Variants in AAGAB observed in about 807,000 individuals in gnomAD.
AAGAB encodes the protein alpha and gamma adaptin binding protein, also known as alpha- and gamma-adaptin-binding protein p34.
In AAGAB, 38 loss-of-function variants were observed where a neutral mutation model predicts 44.1. That is an observed-to-expected ratio of 0.86 (90% CI 0.67 to 1.13). AAGAB has a LOEUF of 1.13. AAGAB is among the 50% of genes most tolerant of loss of function. AAGAB has a pLI of 0.00. For synonymous variants in AAGAB, 131 were observed against 131.8 expected (o/e 0.99, Z 0.04); for missense variants, 450 against 373.8 (o/e 1.20, Z -1.68).
intron 4 of AAGAB, among the ~76,000 whole-genome samples, chr15:67,234,086 C>CAAA (rs34634730): frequency 0.012 from 1,405 of 116,222 alleles, 23 homozygotes; most frequent in Middle Eastern, 0.037. Context: ...ACTAAAAATA[C>CAAA]AAAAAAAAAA....
At chr15:67,208,421 G>C in intron 7 of AAGAB, 141 bp downstream of exon 7, 1 of 613,422 alleles carries the variant, frequency 1.6e-6, no homozygotes, top group Non-Finnish European at 2.9e-6. Flanking sequence ...CCACTGGCAA[G>C]GCTCACATTC....
chr15:67,240,272 T>G (rs1964565051), intron 1 of AAGAB, among the ~76,000 whole-genome samples: 1 of 152,184 alleles, frequency 6.6e-6, no homozygotes, highest in Non-Finnish European at 1.5e-5. Context: ...TTGTTGTTGT[T>G]TTTTTGTTTT....
At chr15:67,230,021 A>ATT (rs541197918) in intron 5 of AAGAB, among the ~76,000 whole-genome samples, 2 of 142,606 alleles carry the variant, frequency 1.4e-5, no homozygotes, top group South Asian at 2.3e-4. Context: ...TAATTTTTGT[A>ATT]TTTTTTTTTT....
intron 1 of AAGAB, among the ~76,000 whole-genome samples, chr15:67,253,526 G>C (rs538080047): frequency 5.1e-4 from 78 of 152,260 alleles, no homozygotes; most frequent in Middle Eastern, 6.8e-3. Flanking sequence ...GGCCAAGACA[G>C]GAGGATCACT....
intron 1 of AAGAB, among the ~76,000 whole-genome samples, chr15:67,250,101 G>A (rs1193710996): frequency 6.6e-6 from 1 of 152,214 alleles, no homozygotes; most frequent in Non-Finnish European, 1.5e-5. Flanking sequence ...TAGGGAAGTA[G>A]AGTAAGATGT....
intron 1 of AAGAB, among the ~76,000 whole-genome samples, chr15:67,240,885 A>C (rs114397267): frequency 0.015 from 2,248 of 152,252 alleles, 59 homozygotes; most frequent in African/African-American, 0.05. Flanking sequence ...CCCTCAGAGA[A>C]AGTACAAATG....
At chr15:67,241,165 G>A (rs1486147855) in intron 1 of AAGAB, among the ~76,000 whole-genome samples, 1 of 151,854 alleles carries the variant, frequency 6.6e-6, no homozygotes. Flanking sequence ...TTCTAAACTA[G>A]GCATGTTGAT....
upstream of AAGAB, chr15:67,254,870 C>G: frequency 1.2e-6 from 2 of 1,610,984 alleles, no homozygotes; most frequent in Non-Finnish European, 1.7e-6. Flanking sequence ...CGCGCCTCCG[C>G]GGAGGTAGCC....
chr15:67,230,084 C>G (rs1236580813), intron 5 of AAGAB, among the ~76,000 whole-genome samples: 1 of 151,776 alleles, frequency 6.6e-6, no homozygotes, highest in Non-Finnish European at 1.5e-5. Context: ...GATCTCCTGA[C>G]CTTGTGATCT....
chr15:67,208,431 C>A, intron 7 of AAGAB, 131 bp downstream of exon 7: 1 of 655,824 alleles, frequency 1.5e-6, no homozygotes, highest in East Asian at 2.7e-5. Context: ...GGCTCACATT[C>A]ATGTGTGGTA....
intron 1 of AAGAB, among the ~76,000 whole-genome samples, chr15:67,250,622 T>C (rs1159465663): frequency 1.3e-5 from 2 of 152,212 alleles, no homozygotes; most frequent in East Asian, 1.9e-4. Flanking sequence ...AGTAAAACTT[T>C]TGTAAAATAT....
chr15:67,203,020 C>A, intron 9 of AAGAB, 122 bp from the exon 10 acceptor site: 1 of 817,282 alleles, frequency 1.2e-6, no homozygotes, highest in Non-Finnish European at 2.1e-6. Flanking sequence ...CCTCTGGCAA[C>A]ACATATCAGA....
At chr15:67,253,962 G>A (rs976388611) in intron 1 of AAGAB, among the ~76,000 whole-genome samples, 1 of 152,082 alleles carries the variant, frequency 6.6e-6, no homozygotes, top group African/African-American at 2.4e-5. Flanking sequence ...TAGTAAGTCT[G>A]ACAGCCATTA....
At chr15:67,217,619 C>T (rs539494592) in intron 5 of AAGAB, among the ~76,000 whole-genome samples, 71 of 152,216 alleles carry the variant, frequency 4.7e-4, no homozygotes, top group Middle Eastern at 3.4e-3. Flanking sequence ...CTCACTGCAA[C>T]CTCCGCCTCC....
intron 5 of AAGAB, among the ~76,000 whole-genome samples, chr15:67,227,922 G>A (rs1486924133): frequency 6.6e-6 from 1 of 151,924 alleles, no homozygotes. Context: ...TTGGTTAACA[G>A]CAAACTAATG....
intron 5 of AAGAB, among the ~76,000 whole-genome samples, chr15:67,221,676 T>C (rs915203432): frequency 1.3e-5 from 2 of 152,254 alleles, no homozygotes; most frequent in African/African-American, 2.4e-5. Context: ...GCATGTGATA[T>C]GTATTTCCAT....
rs565947855 is a variant in AAGAB at position 67,233,825 on chromosome 15, G to A, written c.452-1928C>T. 4.3e-3 allele frequency among the ~76,000 whole-genome samples: 661 copies of A among 152,302 alleles called. 4 individuals carry two copies. The highest frequency in any genetic ancestry group is 4.5e-3 in the Non-Finnish European group (304 of 68,030). The stretch of plus-strand genomic sequence containing the variant: ...GACGGCAGGAATCTTGTCTTACTGA[G>A]TTCATATGCCCATTGCCTACCACAG... On this transcript the variant is annotated intron_variant, in intron 4 of 9. Coordinates refer to ENST00000261880, the MANE Select transcript of AAGAB (RefSeq NM_024666.5).
At chr15:67,211,006 T>C (rs1963806185) in intron 5 of AAGAB, among the ~76,000 whole-genome samples, 1 of 152,182 alleles carries the variant, frequency 6.6e-6, no homozygotes, top group Non-Finnish European at 1.5e-5. Flanking sequence ...CCCTATACCC[T>C]TTCCCCTGCC....
At chr15:67,239,891 T>A (rs1038335112) in intron 1 of AAGAB, among the ~76,000 whole-genome samples, 10 of 152,242 alleles carry the variant, frequency 6.6e-5, no homozygotes, top group African/African-American at 2.2e-4. Flanking sequence ...TAAAGGTTTC[T>A]GGAGAGCAGC....
Sources: allele counts gnomAD v4.1 joint callset (sites outside exome capture counted in the v4.1 genomes callset), GRCh38; gene constraint gnomAD v4.1.1; transcripts MANE v1.5; gene names NCBI Gene and HGNC (gene_info 2026-07-23, HGNC 2026-07-21).